Variants in CARMIL1 observed in about 807,000 individuals in gnomAD.
The protein encoded by CARMIL1 is F-actin-uncapping protein LRRC16A.
Under a neutral mutation model 177.1 loss-of-function variants are expected in CARMIL1, and 90 were observed. The observed-to-expected ratio is 0.51, with a 90% CI of 0.43 to 0.61. CARMIL1 has a LOEUF of 0.61. Among genes scored for constraint, CARMIL1 ranks in the 20% least tolerant of loss-of-function variants. The pLI is 0.00. For synonymous variants in CARMIL1, 577 were observed against 606.2 expected, an observed-to-expected ratio of 0.95 and a Z score of 0.71; for missense variants, 1,380 against 1,667.0, an observed-to-expected ratio of 0.83 and a Z score of 3.00.
At chr6:25,299,333 G>A (rs1469004670) in intron 2 of CARMIL1, among the ~76,000 whole-genome samples, 1 of 151,604 alleles carries the variant, frequency 6.6e-6, no homozygotes, top group East Asian at 2.0e-4. Flanking sequence ...ACCATACCCA[G>A]CTAATTTTTT....
chr6:25,510,728 A>G lies in CARMIL1; in HGVS notation c.1598A>G (p.Asp533Gly). 6.5e-7 allele frequency: 1 copy of G among 1,547,438 alleles called. No homozygotes were observed. The highest frequency in any genetic ancestry group is 1.2e-5 in the South Asian group (1 of 83,868). Reference sequence around the variant, plus strand: ...TTTAGAAATCTGACACCTGTATTGGACAACTTAGTACAGATGATTCAAGAT... The same window carrying G: ...TTTAGAAATCTGACACCTGTATTGGGCAACTTAGTACAGATGATTCAAGAT... Reference protein sequence around the residue: ...MKSKNLTPVLDNLVQMIQDEE... With the variant: ...MKSKNLTPVLGNLVQMIQDEE... The change falls in exon 20 of 37, where the codon GAC becomes GGC. Residue 533 changes from aspartate (D) to glycine (G), a missense_variant. Asp to Gly is a moderately conservative substitution (Grantham distance 94). Transcript: ENST00000329474.
chr6:25,535,530 A>G (rs1352524192), intron 24 of CARMIL1, among the ~76,000 whole-genome samples: 2 of 152,194 alleles, frequency 1.3e-5, no homozygotes, highest in Non-Finnish European at 2.9e-5. Context: ...TTCATAAACT[A>G]TGGCCGTCAA....
Position 25,554,439 on chromosome 6 carries a change from G to T in CARMIL1, c.2592+343G>T, listed in dbSNP as rs570731987. ...TCTTTGCTCATTTTGTTGTTGATAT[G>T]ATTATTTGATAATGGACTATTCTAA... On this transcript the variant is annotated intron_variant, in intron 28 of 36. Coordinates refer to ENST00000329474, the MANE Select transcript of CARMIL1 (RefSeq NM_017640.6). This position sits in a 1 kb window ranked among gnomAD's most constrained non-coding sequence, Gnocchi z 4.6. Among the ~76,000 whole-genome samples, 296 of 152,288 alleles carry T rather than the reference G, an allele frequency of 1.9e-3. 1 individual carries two copies. The highest frequency in any genetic ancestry group is 6.2e-3 in the African/African-American group (257 of 41,564).
At chr6:25,617,588 T>C (rs1159935809) in intron 36 of CARMIL1, among the ~76,000 whole-genome samples, 1 of 152,172 alleles carries the variant, frequency 6.6e-6, no homozygotes, top group Non-Finnish European at 1.5e-5. Flanking sequence ...ATGAAAAATA[T>C]TTTCTAGCAG....
At chr6:25,439,253 C>G (rs958605556) in intron 5 of CARMIL1, among the ~76,000 whole-genome samples, 2 of 152,180 alleles carry the variant, frequency 1.3e-5, no homozygotes, top group African/African-American at 4.8e-5. Flanking sequence ...CTAGGACCTA[C>G]AAGACCTCCA....
chr6:25,392,058 G>GTGTT (rs1381664637), intron 2 of CARMIL1, among the ~76,000 whole-genome samples: 3 of 5,466 alleles, frequency 5.5e-4, no homozygotes, highest in Non-Finnish European at 1.3e-3. Flanking sequence ...ATATGCATGT[G>GTGTT]TGTGTGTGTG....
At chr6:25,281,136 G>GCA (rs1554148590) in intron 1 of CARMIL1, among the ~76,000 whole-genome samples, 8,378 of 132,118 alleles carry the variant, frequency 0.063, 309 homozygotes, top group East Asian at 0.12. Flanking sequence ...GTGCGCGCGC[G>GCA]CACACACACA....
At chr6:25,419,099 G>T (rs1795617992) in intron 2 of CARMIL1, among the ~76,000 whole-genome samples, 1 of 152,190 alleles carries the variant, frequency 6.6e-6, no homozygotes, top group Admixed American at 6.5e-5. Context: ...CAAGCCCGGG[G>T]TTGTGTCTGG....
In CARMIL1 at chr6:25,509,567, AGACT is replaced by A. The variant is rs1282945390; in HGVS notation, c.1396-83_1396-80del. On this transcript the variant is annotated intron_variant, in intron 17 of 36. Coordinates refer to ENST00000329474, the MANE Select transcript of CARMIL1 (RefSeq NM_017640.6). This position sits in a 1 kb window ranked among gnomAD's most constrained non-coding sequence, Gnocchi z 4.1. ...TTTCTTTGGTACTAAGTTTATTTTAAGACTGACTGTCTCTCCTATTTTTAATTTT... is the reference window on the plus strand; with the variant it reads ...TTTCTTTGGTACTAAGTTTATTTTAAGACTGTCTCTCCTATTTTTAATTTT... 2 of 832,244 alleles carry A rather than the reference AGACT, an allele frequency of 2.4e-6. No homozygotes were observed. Among genetic ancestry groups the A allele is most frequent in the Non-Finnish European group, 3.9e-6 (2 of 510,164 alleles). The allele number at this position is 832,244 out of a possible 1,614,324, so 51.6% of individuals were successfully genotyped here. A position where few individuals can be genotyped will look rare whatever the true frequency, so the allele number is the denominator to read the frequency against.
intron 8 of CARMIL1, among the ~76,000 whole-genome samples, chr6:25,459,258 C>CTTTCT (rs1799859050): frequency 9.1e-6 from 1 of 109,988 alleles, no homozygotes; most frequent in Non-Finnish European, 1.8e-5. Flanking sequence ...TTCTTTCTTT[C>CTTTCT]TTTCTTTCTT....
At chr6:25,530,256 C>T (rs992468068) in intron 24 of CARMIL1, among the ~76,000 whole-genome samples, 3 of 151,880 alleles carry the variant, frequency 2.0e-5, no homozygotes, top group Non-Finnish European at 4.4e-5. Flanking sequence ...CTGTGGCTCA[C>T]GCCTGCAATC....
intron 2 of CARMIL1, among the ~76,000 whole-genome samples, chr6:25,412,788 A>T (rs138418051): frequency 7.2e-4 from 110 of 152,204 alleles, no homozygotes; most frequent in African/African-American, 2.5e-3. Flanking sequence ...GCTGGGTTTG[A>T]CTTATAAGCT....
chr6:25,306,015 T>C (rs2150187828), intron 2 of CARMIL1, among the ~76,000 whole-genome samples: 1 of 152,330 alleles, frequency 6.6e-6, no homozygotes, highest in East Asian at 1.9e-4. Flanking sequence ...ATTCTCAATG[T>C]TATGCAACGT....
At chr6:25,574,028 A>T (rs1812364384) in intron 29 of CARMIL1, among the ~76,000 whole-genome samples, 1 of 152,200 alleles carries the variant, frequency 6.6e-6, no homozygotes. Flanking sequence ...GAGTTACTTC[A>T]AGAAACTTTA....
At chr6:25,384,525 G>A (rs370434185) in intron 2 of CARMIL1, among the ~76,000 whole-genome samples, 2 of 152,222 alleles carry the variant, frequency 1.3e-5, no homozygotes, top group African/African-American at 2.4e-5. Context: ...GATGGTTGAG[G>A]TTGCTCTGAG....
intron 20 of CARMIL1, 140 bp downstream of exon 20, chr6:25,510,902 T>C: frequency 1.7e-6 from 1 of 604,220 alleles, no homozygotes. Context: ...AAAAATGGAA[T>C]AAATACACTT....
At chr6:25,421,514 G>A (rs957129937) in intron 3 of CARMIL1, among the ~76,000 whole-genome samples, 7 of 152,068 alleles carry the variant, frequency 4.6e-5, no homozygotes, top group African/African-American at 1.7e-4. Context: ...CCCAGCCATC[G>A]CATTACTGGG....
chr6:25,370,128 C>A (rs1790265308), intron 2 of CARMIL1: 1 of 152,168 alleles, frequency 6.6e-6, no homozygotes, highest in African/African-American at 2.4e-5. Flanking sequence ...GAATAAAATG[C>A]CAAGTTTCTG....
At chr6:25,462,532 G>T (rs1336438991) in intron 8 of CARMIL1, among the ~76,000 whole-genome samples, 1 of 152,202 alleles carries the variant, frequency 6.6e-6, no homozygotes, top group Non-Finnish European at 1.5e-5. Context: ...ATTCATGCAT[G>T]ATGGCGGCAT....
Sources: gnomAD v4.1 joint callset for allele counts (sites outside exome capture counted in the v4.1 genomes callset) on GRCh38, gnomAD v4.1.1 for gene constraint, Gnocchi (gnomAD v3.1) non-coding constraint, MANE v1.5 for transcripts, NCBI Gene and HGNC (gene_info 2026-07-23, HGNC 2026-07-21) for gene names.